SERPINF1: variants seen among roughly 807,000 people sequenced by gnomAD.
SERPINF1 encodes the protein pigment epithelium-derived factor.
A neutral mutation model predicts 37.3 loss-of-function variants in SERPINF1; 29 were observed. The ratio of observed to expected loss-of-function variants is 0.78; its 90% CI spans 0.58 to 1.06. The LOEUF (loss-of-function observed/expected upper bound fraction) is 1.06. SERPINF1 is among the 50% of genes least tolerant of loss of function. The pLI, the probability that SERPINF1 is intolerant of heterozygous loss-of-function variation, is 0.00. For missense variants in SERPINF1, 553 were observed against 532.2 expected (o/e 1.04, Z -0.38); for synonymous variants, 281 against 227.9 (o/e 1.23, Z -2.10).
intron 1 of SERPINF1, among the ~76,000 whole-genome samples, chr17:1,765,318 A>G (rs1422078601): frequency 6.9e-6 from 1 of 145,274 alleles, no homozygotes; most frequent in Admixed American, 6.9e-5. Context: ...ATTTTATTTT[A>G]TTTTATTTTA....
chr17:1,775,242 G>C, intron 6 of SERPINF1, 42 bp downstream of exon 6: 1 of 1,594,236 alleles, frequency 6.3e-7, no homozygotes, highest in African/African-American at 1.3e-5. Flanking sequence ...GATGGAGGGA[G>C]AGGATAGAGA....
chr17:1,769,576 A>C, intron 2 of SERPINF1: 1 of 505,766 alleles, frequency 2.0e-6, no homozygotes, highest in Non-Finnish European at 3.6e-6. Flanking sequence ...GTGAGCTGAG[A>C]TCGCGCCACT....
chr17:1,777,423 A>G lies in SERPINF1; in HGVS notation c.1234A>G (p.Ile412Val). The part of the protein sequence containing the change: ...DTGALLFIGK[I>V]LDPRGP Reference sequence around the variant, plus strand: ...AGGGGCCCTTCTCTTCATTGGCAAGATTCTGGACCCCAGGGGCCCCTAATA... The same window carrying G: ...AGGGGCCCTTCTCTTCATTGGCAAGGTTCTGGACCCCAGGGGCCCCTAATA... The change falls in exon 8 of 8, where the codon ATT becomes GTT. Residue 412 changes from isoleucine (I) to valine (V), a missense_variant. Transcript: ENST00000254722. 6.2e-7 allele frequency: 1 copy of G among 1,614,152 alleles called. No homozygotes were observed. Among genetic ancestry groups the G allele is most frequent in the South Asian group, 1.1e-5 (1 of 91,078 alleles).
At chr17:1,771,342 G>A (rs988311110) in intron 4 of SERPINF1, among the ~76,000 whole-genome samples, 158 bp downstream of exon 4, 3 of 150,158 alleles carry the variant, frequency 2.0e-5, no homozygotes, top group South Asian at 2.2e-4. Context: ...TCCACCTCCC[G>A]GGTTCACACC....
chr17:1,769,745 C>A, intron 2 of SERPINF1, 107 bp from the exon 3 acceptor site: 1 of 1,238,260 alleles, frequency 8.1e-7, no homozygotes, highest in Non-Finnish European at 1.2e-6. Flanking sequence ...GGAAGGACAG[C>A]CCCAAGGGGC....
At position 1,777,447 on chromosome 17, in the gene SERPINF1, T is replaced by C; in HGVS notation, c.*1T>C. The C allele has an allele frequency of 6.2e-7, 1 of 1,614,082 alleles. No homozygotes were observed. ...GATTCTGGACCCCAGGGGCCCCTAA[T>C]ATCCCAGTTTAATATTCCAATACCC... On this transcript the variant is annotated 3_prime_UTR_variant, in exon 8 of 8. Transcript: ENST00000254722.
At chr17:1,775,784 T>G (rs1221619054) in intron 6 of SERPINF1, among the ~76,000 whole-genome samples, 2 of 152,232 alleles carry the variant, frequency 1.3e-5, no homozygotes, top group Non-Finnish European at 2.9e-5. Context: ...TCCGCCTGCC[T>G]CGGTCTCCCA....
At chr17:1,764,338 G>GGGGAGGC (rs1907243776) in intron 1 of SERPINF1, among the ~76,000 whole-genome samples, 1 of 152,272 alleles carries the variant, frequency 6.6e-6, no homozygotes, top group Non-Finnish European at 1.5e-5. Flanking sequence ...CAGAGGCTCA[G>GGGGAGGC]GGGAGGCAGG....
intron 3 of SERPINF1, chr17:1,770,750 G>C: frequency 2.5e-6 from 1 of 404,932 alleles, no homozygotes; most frequent in South Asian, 2.1e-5. Flanking sequence ...GTGAGCCACC[G>C]CGCCTGGCCA....
intron 3 of SERPINF1, 43 bp downstream of exon 3, chr17:1,770,093 G>T: frequency 6.2e-7 from 1 of 1,600,720 alleles, no homozygotes. Flanking sequence ...ACCTGGAGAG[G>T]CCCCCTGTGG....
chr17:1,762,653 C>G (rs1907153038), intron 1 of SERPINF1, among the ~76,000 whole-genome samples: 1 of 152,246 alleles, frequency 6.6e-6, no homozygotes, highest in Non-Finnish European at 1.5e-5. Context: ...CCTCGGCGCC[C>G]TGGCTGAGGG....
At chr17:1,769,143 C>G (rs1907564260) in intron 2 of SERPINF1, among the ~76,000 whole-genome samples, 1 of 151,862 alleles carries the variant, frequency 6.6e-6, no homozygotes, top group African/African-American at 2.4e-5. Flanking sequence ...GGCGCGGTGG[C>G]TCATGCCTGT....
At chr17:1,766,162 C>A (rs545454542) in intron 1 of SERPINF1, 2 of 152,340 alleles carry the variant, frequency 1.3e-5, no homozygotes, top group African/African-American at 4.8e-5. Context: ...GGGTCAGCTG[C>A]CTCCAGGACA....
intron 3 of SERPINF1, 52 bp from the exon 4 acceptor site, chr17:1,770,977 A>C: frequency 6.2e-7 from 1 of 1,612,336 alleles, no homozygotes; most frequent in Non-Finnish European, 8.5e-7. Flanking sequence ...AGGGGGCTTG[A>C]TTTGGGGCCC....
rs966989988 is a variant in SERPINF1 at position 1,777,052 on chromosome 17, G to C, written c.998-135G>C. On this transcript the variant is annotated intron_variant, in intron 7 of 7. Coordinates refer to ENST00000254722, the MANE Select transcript of SERPINF1 (RefSeq NM_002615.7). The stretch of plus-strand genomic sequence containing the variant: ...CTCCTGGGCAAGTCACTCCACCCTC[G>C]GTCAGCTCAGACCTCTTCAGGCCTC... The C allele has an allele frequency of 9.4e-6, 13 of 1,384,294 alleles. No homozygotes were observed. The South Asian group carries it at 1.4e-4, about 14-fold the overall frequency. The allele number at this position is 1,384,294 out of a possible 1,614,324, so 85.8% of individuals were successfully genotyped here. A position where few individuals can be genotyped will look rare whatever the true frequency, so the allele number is the denominator to read the frequency against.
intron 5 of SERPINF1, 95 bp downstream of exon 5, chr17:1,772,170 G>C: frequency 1.5e-6 from 2 of 1,317,838 alleles, no homozygotes; most frequent in Non-Finnish European, 2.1e-6. Context: ...TAACTGGAGT[G>C]CAGTGGTGCG....
At chr17:1,767,069 G>C (rs1298536053) in intron 2 of SERPINF1, 75 bp downstream of exon 2, 1 of 1,335,846 alleles carries the variant, frequency 7.5e-7, no homozygotes, top group Non-Finnish European at 1.0e-6. Context: ...AAACAGGACA[G>C]GGAACCCGGA....
intron 2 of SERPINF1, among the ~76,000 whole-genome samples, chr17:1,767,485 T>C (rs1054338729): frequency 6.6e-6 from 1 of 152,210 alleles, no homozygotes; most frequent in African/African-American, 2.4e-5. Flanking sequence ...GGGGCTCCAC[T>C]GAGCAGGTCA....
chr17:1,770,297 C>T (rs1473669026), intron 3 of SERPINF1, among the ~76,000 whole-genome samples: 4 of 152,142 alleles, frequency 2.6e-5, no homozygotes, highest in Non-Finnish European at 4.4e-5. Context: ...CTTATTGACA[C>T]AGTGACTTCA....
Sources: gnomAD v4.1 joint callset for allele counts (sites outside exome capture counted in the v4.1 genomes callset) on GRCh38, gnomAD v4.1.1 for gene constraint, MANE v1.5 for transcripts, NCBI Gene and HGNC (gene_info 2026-07-23, HGNC 2026-07-21) for gene names.